Variants in MKRN3 observed in about 807,000 individuals in gnomAD.
The protein encoded by MKRN3 is E3 ubiquitin-protein ligase makorin-3.
For missense variants in MKRN3, 749 were observed against 667.0 expected (o/e 1.12, Z -1.35); for synonymous variants, 301 against 250.2 (o/e 1.20, Z -1.91).
rs749430619 is a variant in MKRN3, at chr15:23,565,904, C to T, written c.122C>T (p.Ser41Phe). The T allele has an allele frequency of 3.1e-6, 5 of 1,613,894 alleles. No individual in the cohort carries two copies. In the South Asian group the frequency reaches 3.3e-5, roughly 11 times the overall value. ...CCCGTCTGTGAGCCCTCCGGGGAAT[C>T]TGCTGCTCCAGATTCAGCCCTGCCA... ...DLPVCEPSGE[S>F]AAPDSALPHA... The change falls in exon 1 of 1, where the codon TCT (serine) becomes TTT (phenylalanine). Residue 41 changes from serine (S) to phenylalanine (F), a missense_variant. Coordinates refer to ENST00000314520, the MANE Select transcript of MKRN3 (RefSeq NM_005664.4).
Position 23,566,421 on chromosome 15 carries a change from G to C in MKRN3, c.639G>C (p.Arg213=). The C allele has an allele frequency of 1.2e-6, 2 of 1,614,186 alleles. No individual in the cohort carries two copies. The highest frequency in any genetic ancestry group is 1.1e-5 in the South Asian group (1 of 91,084). ...AGTTTGTTCCAGGGCAGCCCTACCG[G>C]GGCCGCTGGGTTGCATCTGCCCCCG... is the stretch of plus-strand genomic sequence containing the variant. ...AIEFVPGQPY[R]GRWVASAPEA... The change falls in exon 1 of 1, where the codon CGG becomes CGC. Residue 213 remains arginine, a synonymous_variant. Coordinates refer to ENST00000314520, the MANE Select transcript of MKRN3 (RefSeq NM_005664.4).
rs900932835 is a variant in MKRN3, at chr15:23,566,148, T to C, written c.366T>C (p.Ser122=). The C allele has an allele frequency of 6.2e-7, 1 of 1,614,096 alleles. No homozygotes were observed. The highest frequency in any genetic ancestry group is 8.5e-7 in the Non-Finnish European group (1 of 1,180,014). The change falls in exon 1 of 1, where the codon TCT becomes TCC. Residue 122 remains serine, a synonymous_variant. Transcript: ENST00000314520. ...ACTGTCGCTATTCGCACGACCTTTCTGGTCGGAAGATGGCCACTGAGGGTG... is the reference window on the plus strand; with the variant it reads ...ACTGTCGCTATTCGCACGACCTTTCCGGTCGGAAGATGGCCACTGAGGGTG... ...GENCRYSHDL[S]GRKMATEGGV...
rs759666736 is a variant in MKRN3 at position 23,567,181 on chromosome 15, G to A, written c.1399G>A (p.Val467Met). The A allele has an allele frequency of 5.5e-5, 89 of 1,614,082 alleles. No individual in the cohort carries two copies. The highest frequency in any genetic ancestry group is 1.3e-4 in the East Asian group (6 of 44,890). ...LYKSIKKELV[V>M]LRLASLLFKR... is the part of the protein sequence containing the mutation. ...TAAAAGCATTAAGAAGGAGCTTGTC[G>A]TGCTTCGGCTGGCCAGTCTGTTGTT... The change falls in exon 1 of 1, where the codon GTG becomes ATG. Residue 467 changes from valine (V) to methionine (M), a missense_variant. Coordinates refer to ENST00000314520, the MANE Select transcript of MKRN3 (RefSeq NM_005664.4).
Position 23,566,287 on chromosome 15 carries a change from C to T in MKRN3, c.505C>T (p.Pro169Ser). The T allele has an allele frequency of 6.2e-7, 1 of 1,614,114 alleles. No individual in the cohort carries two copies. Among genetic ancestry groups the T allele is most frequent in the African/African-American group, 1.3e-5 (1 of 75,066 alleles). Reference protein sequence around the residue: ...APPAASSLSLPVIGSAAERGF... With the variant: ...APPAASSLSLSVIGSAAERGF... Reference sequence around the variant, plus strand: ...CCCGGCTGCATCCTCCCTTTCCTTGCCTGTGATTGGCTCGGCTGCTGAAAG... The same window carrying T: ...CCCGGCTGCATCCTCCCTTTCCTTGTCTGTGATTGGCTCGGCTGCTGAAAG... Residue 169 changes from proline to serine, a missense_variant, in exon 1 of 1, where the codon CCT becomes TCT. Coordinates refer to ENST00000314520, the MANE Select transcript of MKRN3 (RefSeq NM_005664.4).
Position 23,566,528 on chromosome 15 carries a change from G to A in MKRN3, c.746G>A (p.Arg249Lys), listed in dbSNP as rs778296650. ...TTGCGGTTTTGCTATTATGCTTCCAGGGGAGTTTGCTTTCGTGGGGAGAGC... is the reference window on the plus strand; with the variant it reads ...TTGCGGTTTTGCTATTATGCTTCCAAGGGAGTTTGCTTTCGTGGGGAGAGC... ...SGLRFCYYAS[R>K]GVCFRGESCM... The change falls in exon 1 of 1, where the codon AGG becomes AAG. Residue 249 changes from arginine to lysine, a missense_variant. Physicochemically the swap from Arg to Lys is conservative, Grantham distance 26. Coordinates refer to ENST00000314520, the MANE Select transcript of MKRN3 (RefSeq NM_005664.4). The A allele has an allele frequency of 6.2e-7, 1 of 1,614,206 alleles. No individual in the cohort carries two copies. The highest frequency in any genetic ancestry group is 1.1e-5 in the South Asian group (1 of 91,082).
In MKRN3 at chr15:23,565,680, C is replaced by T. The variant is rs936746254; in HGVS notation, c.-103C>T. 3 of 1,188,570 alleles carry T rather than the reference C, an allele frequency of 2.5e-6. No individual in the cohort carries two copies. The highest frequency in any genetic ancestry group is 1.1e-6 in the Non-Finnish European group (1 of 873,394). The allele number at this position is 1,188,570 out of a possible 1,614,324, so 73.6% of individuals were successfully genotyped here. On this transcript the variant is annotated 5_prime_UTR_variant, in exon 1 of 1. Coordinates refer to ENST00000314520, the MANE Select transcript of MKRN3 (RefSeq NM_005664.4). ...GGGAAGGAAAAAGAGATGCACACTT[C>T]CCCCAGAGAAGCCTCCGAGCGCGGC...
chr15:23,567,045 A>G lies in MKRN3; in HGVS notation c.1263A>G (p.Glu421=), dbSNP rs779736839. The G allele has an allele frequency of 1.2e-6, 2 of 1,614,256 alleles. No homozygotes were observed. Among genetic ancestry groups the G allele is most frequent in the Admixed American group, 1.7e-5 (1 of 60,036 alleles). ...PFGDTCFYKH[E]YPEGWGDEPP... ...GAGACACATGCTTTTACAAGCATGA[A>G]TACCCTGAGGGCTGGGGAGATGAGC... The change falls in exon 1 of 1, where the codon GAA becomes GAG. Residue 421 remains glutamate (E), a synonymous_variant. Coordinates refer to ENST00000314520, the MANE Select transcript of MKRN3 (RefSeq NM_005664.4).
chr15:23,566,288 C>T lies in MKRN3; in HGVS notation c.506C>T (p.Pro169Leu), dbSNP rs1165970745. ...CCGGCTGCATCCTCCCTTTCCTTGC[C>T]TGTGATTGGCTCGGCTGCTGAAAGG... is the stretch of plus-strand genomic sequence containing the variant. ...APPAASSLSL[P>L]VIGSAAERGF... Residue 169 changes from proline (P) to leucine (L), a missense_variant, in exon 1 of 1, where the codon CCT becomes CTT. By Grantham distance (98) the Pro-to-Leu change is moderately conservative (BLOSUM62 -3). Coordinates refer to ENST00000314520, the MANE Select transcript of MKRN3 (RefSeq NM_005664.4). 1 of 1,614,124 alleles carries T rather than the reference C, an allele frequency of 6.2e-7. No individual in the cohort carries two copies. Among genetic ancestry groups the T allele is most frequent in the Non-Finnish European group, 8.5e-7 (1 of 1,180,044 alleles).
chr15:23,567,253 C>T lies in MKRN3; in HGVS notation c.1471C>T (p.Gln491Ter), dbSNP rs138976716. The T allele has an allele frequency of 1.9e-6, 3 of 1,614,092 alleles. No homozygotes were observed. The African/African-American group carries it at 4.0e-5, about 22-fold the overall frequency. ...LRDELPFSEDQWDLLHYELEE... is the reference protein window; with the variant it reads ...LRDELPFSED ...AGATGAGTTACCCTTCTCTGAGGAC[C>T]AGTGGGACTTGCTTCATTATGAGCT... Residue 491 changes from glutamine (Q) to a stop codon, truncating the protein, a stop_gained, in exon 1 of 1, where the codon CAG becomes TAG. Transcript: ENST00000314520. LOFTEE classifies it high-confidence loss of function.
Position 23,566,580 on chromosome 15 carries a change from C to A in MKRN3, c.798C>A (p.Cys266Ter), listed in dbSNP as rs145255803. The change falls in exon 1 of 1, where the codon TGC (cysteine) becomes TGA (stop). Residue 266 changes from cysteine to a stop codon, truncating the protein, a stop_gained. Coordinates refer to ENST00000314520, the MANE Select transcript of MKRN3 (RefSeq NM_005664.4). LOFTEE classifies it low-confidence loss of function (END_TRUNC). Reference protein sequence around the residue: ...ESCMYLHGDICDMCGLQTLHP... With the variant: ...ESCMYLHGDI ...GTATGTACCTCCATGGAGACATATG[C>A]GACATGTGTGGGCTGCAGACCTTGC... 1.2e-6 allele frequency: 2 copies of A among 1,614,112 alleles called. No homozygotes were observed. Among genetic ancestry groups the A allele is most frequent in the African/African-American group, 2.7e-5 (2 of 75,030 alleles).
In MKRN3 at chr15:23,565,683, C is replaced by G. The variant is rs1018136757; in HGVS notation, c.-100C>G. ...AAGGAAAAAGAGATGCACACTTCCC[C>G]CAGAGAAGCCTCCGAGCGCGGCCGC... On this transcript the variant is annotated 5_prime_UTR_variant, in exon 1 of 1. Transcript: ENST00000314520. 8.1e-7 allele frequency: 1 copy of G among 1,237,294 alleles called. No individual in the cohort carries two copies. The highest frequency in any genetic ancestry group is 1.5e-5 in the African/African-American group (1 of 65,866). 76.6% of individuals were successfully genotyped at this position (1,237,294 alleles called of 1,614,324 possible). A position where few individuals can be genotyped will look rare whatever the true frequency, so the allele number is the denominator to read the frequency against.
rs143204731 is a variant in MKRN3 at position 23,565,896 on chromosome 15, C to G, written c.114C>G (p.Ser38=). 2.5e-6 allele frequency: 4 copies of G among 1,613,866 alleles called. No homozygotes were observed. The highest frequency in any genetic ancestry group is 1.7e-4 in the Middle Eastern group (1 of 6,044). Residue 38 remains serine, a synonymous_variant, in exon 1 of 1, where the codon TCC becomes TCG. Coordinates refer to ENST00000314520, the MANE Select transcript of MKRN3 (RefSeq NM_005664.4). The part of the protein sequence containing the change: ...SGPDLPVCEP[S]GESAAPDSAL... Reference sequence around the variant, plus strand: ...CGGACCTTCCCGTCTGTGAGCCCTCCGGGGAATCTGCTGCTCCAGATTCAG... The same window carrying G: ...CGGACCTTCCCGTCTGTGAGCCCTCGGGGGAATCTGCTGCTCCAGATTCAG...
At position 23,565,706 on chromosome 15, in the gene MKRN3, C is replaced by A; in HGVS notation, c.-77C>A. 1 of 1,407,916 alleles carries A rather than the reference C, an allele frequency of 7.1e-7. No individual in the cohort carries two copies. The highest frequency in any genetic ancestry group is 9.4e-7 in the Non-Finnish European group (1 of 1,064,802). 87.2% of individuals were successfully genotyped at this position (1,407,916 alleles called of 1,614,324 possible). A position where few individuals can be genotyped will look rare whatever the true frequency, so the allele number is the denominator to read the frequency against. On this transcript the variant is annotated 5_prime_UTR_variant, in exon 1 of 1. Coordinates refer to ENST00000314520, the MANE Select transcript of MKRN3 (RefSeq NM_005664.4). The stretch of plus-strand genomic sequence containing the variant: ...CCCCAGAGAAGCCTCCGAGCGCGGC[C>A]GCCATTCCGGGCCTCAAGCCCATAA...
At position 23,566,432 on chromosome 15, in the gene MKRN3, T is replaced by C; in HGVS notation, c.650T>C (p.Val217Ala). Reference sequence around the variant, plus strand: ...GGGCAGCCCTACCGGGGCCGCTGGGTTGCATCTGCCCCCGAGGCTCCTCTA... The same window carrying C: ...GGGCAGCCCTACCGGGGCCGCTGGGCTGCATCTGCCCCCGAGGCTCCTCTA... ...VPGQPYRGRW[V>A]ASAPEAPLQS... The change falls in exon 1 of 1, where the codon GTT becomes GCT. Residue 217 changes from valine (V) to alanine (A), a missense_variant. Coordinates refer to ENST00000314520, the MANE Select transcript of MKRN3 (RefSeq NM_005664.4). 6.2e-7 allele frequency: 1 copy of C among 1,614,070 alleles called. No homozygotes were observed. The highest frequency in any genetic ancestry group is 8.5e-7 in the Non-Finnish European group (1 of 1,179,980).
Position 23,565,732 on chromosome 15 carries a change from A to G in MKRN3, c.-51A>G. On this transcript the variant is annotated 5_prime_UTR_variant, in exon 1 of 1. Transcript: ENST00000314520. ...GCCATTCCGGGCCTCAAGCCCATAA[A>G]GAAAAAATACCGGAGAGGTTCTGGC... 14 of 1,477,642 alleles carry G rather than the reference A, an allele frequency of 9.5e-6. No individual in the cohort carries two copies. The highest frequency in any genetic ancestry group is 1.2e-5 in the Non-Finnish European group (13 of 1,110,894). The allele number at this position is 1,477,642 out of a possible 1,614,324, so 91.5% of individuals were successfully genotyped here. A position where few individuals can be genotyped will look rare whatever the true frequency, so the allele number is the denominator to read the frequency against.
chr15:23,567,411 G>C lies in MKRN3; in HGVS notation c.*105G>C. 1.3e-6 allele frequency: 2 copies of C among 1,522,822 alleles called. No individual in the cohort carries two copies. Among genetic ancestry groups the C allele is most frequent in the Non-Finnish European group, 1.8e-6 (2 of 1,137,042 alleles). The allele number at this position is 1,522,822 out of a possible 1,614,324, so 94.3% of individuals were successfully genotyped here. A position where few individuals can be genotyped will look rare whatever the true frequency, so the allele number is the denominator to read the frequency against. On this transcript the variant is annotated 3_prime_UTR_variant, in exon 1 of 1. Transcript: ENST00000314520. Reference sequence around the variant, plus strand: ...ACTGCTTTCAGGGGCTGTTGAGGCAGTGCTTCTGTTTTCTTGTCTATTCTG... The same window carrying C: ...ACTGCTTTCAGGGGCTGTTGAGGCACTGCTTCTGTTTTCTTGTCTATTCTG...
At position 23,565,895 on chromosome 15, in the gene MKRN3, C is replaced by T. The variant is rs1173594916; in HGVS notation, c.113C>T (p.Ser38Phe). ...CCGGACCTTCCCGTCTGTGAGCCCT[C>T]CGGGGAATCTGCTGCTCCAGATTCA... ...SGPDLPVCEP[S>F]GESAAPDSAL... is the part of the protein sequence containing the mutation. Residue 38 changes from serine to phenylalanine, a missense_variant, in exon 1 of 1, where the codon TCC becomes TTC. Coordinates refer to ENST00000314520, the MANE Select transcript of MKRN3 (RefSeq NM_005664.4). The T allele has an allele frequency of 6.2e-7, 1 of 1,613,760 alleles. No homozygotes were observed. The highest frequency in any genetic ancestry group is 8.5e-7 in the Non-Finnish European group (1 of 1,179,950).
At position 23,567,191 on chromosome 15, in the gene MKRN3, T is replaced by G; in HGVS notation, c.1409T>G (p.Leu470Arg). 6.2e-7 allele frequency: 1 copy of G among 1,614,240 alleles called. No individual in the cohort carries two copies. Among genetic ancestry groups the G allele is most frequent in the East Asian group, 2.2e-5 (1 of 44,880 alleles). Residue 470 changes from leucine (L) to arginine (R), a missense_variant, in exon 1 of 1, where the codon CTG becomes CGG. Physicochemically the swap from Leu to Arg is moderately radical, Grantham distance 102. Coordinates refer to ENST00000314520, the MANE Select transcript of MKRN3 (RefSeq NM_005664.4). ...SIKKELVVLR[L>R]ASLLFKRFLS... ...AAGAAGGAGCTTGTCGTGCTTCGGC[T>G]GGCCAGTCTGTTGTTTAAGCGGTTT...
Position 23,567,168 on chromosome 15 carries a change from G to C in MKRN3, c.1386G>C (p.Lys462Asn). Residue 462 changes from lysine (K) to asparagine (N), a missense_variant, in exon 1 of 1, where the codon AAG (lysine) becomes AAC (asparagine). Transcript: ENST00000314520. The part of the protein sequence containing the change: ...GEGNMLYKSI[K>N]KELVVLRLAS... ...GCAACATGCTCTATAAAAGCATTAA[G>C]AAGGAGCTTGTCGTGCTTCGGCTGG... 1 of 1,614,206 alleles carries C rather than the reference G, an allele frequency of 6.2e-7. No individual in the cohort carries two copies. Among genetic ancestry groups the C allele is most frequent in the Non-Finnish European group, 8.5e-7 (1 of 1,180,046 alleles).
Sources: gnomAD v4.1 joint callset for allele counts on GRCh38, gnomAD v4.1.1 for gene constraint, MANE v1.5 for transcripts, NCBI Gene and HGNC (gene_info 2026-07-23, HGNC 2026-07-21) for gene names.